The following GPC6 variants were observed in gnomAD, a reference collection of about 807,000 sequenced individuals.
The protein encoded by GPC6 is glypican 6.
In GPC6, 14 loss-of-function variants were observed where a neutral mutation model predicts 55.2. The observed-to-expected ratio is 0.25, with a 90% CI of 0.17 to 0.40. GPC6 has a LOEUF of 0.40. Ranked by LOEUF, GPC6 falls within the 10% of genes least tolerant of loss-of-function variation. GPC6 has a pLI of 1.00. For missense variants in GPC6, 641 were observed against 708.5 expected (o/e 0.90, Z 1.08); for synonymous variants, 278 against 259.6 (o/e 1.07, Z -0.68).
intron 1 of GPC6, among the ~76,000 whole-genome samples, chr13:93,323,375 T>C (rs1227252498): frequency 6.6e-6 from 1 of 152,216 alleles, no homozygotes; most frequent in Non-Finnish European, 1.5e-5. Context: ...TCAGCACTTA[T>C]CCTACCAATG....
chr13:93,939,938 G>A (rs1213903929), intron 3 of GPC6, among the ~76,000 whole-genome samples: 1 of 152,072 alleles, frequency 6.6e-6, no homozygotes, highest in East Asian at 1.9e-4. Flanking sequence ...AACTCATCTA[G>A]ATAAATGTCA....
At chr13:94,232,561 G>T (rs780883961) in intron 4 of GPC6, among the ~76,000 whole-genome samples, 23 of 152,100 alleles carry the variant, frequency 1.5e-4, no homozygotes, top group Non-Finnish European at 2.6e-4. Flanking sequence ...GGGTGTCAAA[G>T]AATGTTTAGT....
intron 2 of GPC6, among the ~76,000 whole-genome samples, chr13:93,561,826 A>T (rs572452927): frequency 6.6e-6 from 1 of 152,296 alleles, no homozygotes; most frequent in South Asian, 2.1e-4. Context: ...CAGACATTTT[A>T]AAAAATATGC....
At chr13:93,825,662 G>C (rs1311458059) in intron 2 of GPC6, among the ~76,000 whole-genome samples, 1 of 152,062 alleles carries the variant, frequency 6.6e-6, no homozygotes, top group Non-Finnish European at 1.5e-5. Flanking sequence ...ACATAAGCAA[G>C]ATGCCTTTTG....
intron 2 of GPC6, among the ~76,000 whole-genome samples, chr13:93,746,845 G>T (rs921671514): frequency 6.6e-6 from 1 of 152,154 alleles, no homozygotes; most frequent in African/African-American, 2.4e-5. Flanking sequence ...CTGGACCAAT[G>T]CTCTGAGAGC....
chr13:93,343,211 A>G lies in GPC6; in HGVS notation c.160+115595A>G, dbSNP rs547812207. On this transcript the variant is annotated intron_variant, in intron 1 of 8. Transcript: ENST00000377047. ...AAACAGTGCAAGGTTTCACAAAGATAAGACAGTTCATTTACATAACCCGGA... is the reference window on the plus strand; with the variant it reads ...AAACAGTGCAAGGTTTCACAAAGATGAGACAGTTCATTTACATAACCCGGA... 7.9e-5 allele frequency among the ~76,000 whole-genome samples: 12 copies of G among 151,724 alleles called. No homozygotes were observed. In the South Asian group the frequency reaches 1.9e-3, roughly 24 times the overall value.
intron 4 of GPC6, among the ~76,000 whole-genome samples, chr13:94,215,710 A>G (rs971558733): frequency 1.3e-5 from 2 of 152,192 alleles, no homozygotes; most frequent in African/African-American, 4.8e-5. Flanking sequence ...TGAAGGGAAA[A>G]AAATCTGTCC....
chr13:94,132,151 C>T (rs943438389), intron 4 of GPC6, among the ~76,000 whole-genome samples: 14 of 152,044 alleles, frequency 9.2e-5, no homozygotes, highest in African/African-American at 3.4e-4. Context: ...TGTTAAAGAG[C>T]GAGGTACAGA....
At chr13:93,303,294 C>T (rs1034721068) in intron 1 of GPC6, among the ~76,000 whole-genome samples, 1 of 152,164 alleles carries the variant, frequency 6.6e-6, no homozygotes, top group Non-Finnish European at 1.5e-5. Context: ...CTTATGAATT[C>T]AGGCCACTTA....
chr13:94,246,546 G>T (rs1419652552), intron 4 of GPC6, among the ~76,000 whole-genome samples: 1 of 152,096 alleles, frequency 6.6e-6, no homozygotes, highest in African/African-American at 2.4e-5. Context: ...CATGGCATAA[G>T]ATAAGGGTCC....
chr13:94,154,228 G>A (rs1887846366), intron 4 of GPC6: 1 of 125,510 alleles, frequency 8.0e-6, no homozygotes, highest in East Asian at 2.6e-4. Flanking sequence ...TTTTTATTGC[G>A]ATTTTTTTTT....
chr13:94,079,474 A>G (rs921619899), intron 4 of GPC6, among the ~76,000 whole-genome samples: 2 of 152,160 alleles, frequency 1.3e-5, no homozygotes, highest in African/African-American at 4.8e-5. Context: ...TTTCATATCC[A>G]TCAATGTTTG....
At chr13:94,145,840 A>C (rs1054459116) in intron 4 of GPC6, among the ~76,000 whole-genome samples, 1 of 152,174 alleles carries the variant, frequency 6.6e-6, no homozygotes, top group Non-Finnish European at 1.5e-5. Context: ...GGTTGAGTGA[A>C]CATGAAGCAT....
chr13:93,897,411 G>A (rs1029720370), intron 3 of GPC6, among the ~76,000 whole-genome samples: 1 of 152,110 alleles, frequency 6.6e-6, no homozygotes, highest in African/African-American at 2.4e-5. Flanking sequence ...ATTTGATTAT[G>A]TGAATGTATC....
At chr13:93,692,250 TTA>T (rs1882284629) in intron 2 of GPC6, among the ~76,000 whole-genome samples, 2 of 152,130 alleles carry the variant, frequency 1.3e-5, no homozygotes, top group Non-Finnish European at 2.9e-5. Context: ...ATTTCTGAAA[TTA>T]TGTTCCCAGA....
chr13:93,936,864 A>G (rs913941), intron 3 of GPC6, among the ~76,000 whole-genome samples: 69,323 of 152,000 alleles, frequency 0.46, 16,304 homozygotes, highest in Non-Finnish European at 0.49. Flanking sequence ...TGCAATATGT[A>G]TGACCTAGAT....
At chr13:93,488,276 A>G (rs564490208) in intron 1 of GPC6, among the ~76,000 whole-genome samples, 16 of 152,262 alleles carry the variant, frequency 1.1e-4, no homozygotes, top group African/African-American at 3.9e-4. Context: ...AGCTTCATCC[A>G]TGTCCCTACA....
chr13:94,034,621 G>A (rs1016930744), intron 4 of GPC6, among the ~76,000 whole-genome samples: 5 of 152,238 alleles, frequency 3.3e-5, no homozygotes, highest in African/African-American at 1.2e-4. Context: ...GGGGATGTGT[G>A]TGTGGGTGTG....
In GPC6 at chr13:93,852,425, T is replaced by C. The variant is rs568251390; in HGVS notation, c.711+21880T>C. 2.6e-5 allele frequency among the ~76,000 whole-genome samples: 4 copies of C among 151,906 alleles called. No homozygotes were observed. In the South Asian group the frequency reaches 8.3e-4, roughly 31 times the overall value. On this transcript the variant is annotated intron_variant, in intron 3 of 8. Transcript: ENST00000377047. ...AGGCTACAGTCAACAATAAGATTTT[T>C]GTTGTAGACAACTAATTAAAGCCGA...
Sources: allele counts gnomAD v4.1 joint callset (sites outside exome capture counted in the v4.1 genomes callset), GRCh38; gene constraint gnomAD v4.1.1; transcripts MANE v1.5; gene names NCBI Gene and HGNC (gene_info 2026-07-23, HGNC 2026-07-21).